Variants in ELAPOR2 observed in about 807,000 individuals in gnomAD.
ELAPOR2 encodes the protein endosome-lysosome associated apoptosis and autophagy regulator family member 2.
In ELAPOR2, 89 loss-of-function variants were observed where a neutral mutation model predicts 120.7. The ratio of observed to expected loss-of-function variants is 0.74; its 90% CI spans 0.62 to 0.88. The LOEUF (loss-of-function observed/expected upper bound fraction) is 0.88, where lower values mean the gene tolerates loss of function less well. Among genes scored for constraint, ELAPOR2 ranks in the 40% least tolerant of loss-of-function variants. The probability of loss-of-function intolerance (pLI) is 0.00; values close to 1 mark genes in which losing one functional copy is unlikely to be tolerated. For synonymous variants in ELAPOR2, 444 were observed against 444.9 expected (o/e 1.00, Z 0.03); for missense variants, 1,134 against 1,251.6 (o/e 0.91, Z 1.42).
chr7:86,967,884 T>C (rs1791970586), intron 1 of ELAPOR2, among the ~76,000 whole-genome samples: 1 of 152,234 alleles, frequency 6.6e-6, no homozygotes, highest in South Asian at 2.1e-4. Flanking sequence ...TTCTTTACAA[T>C]TTAAAAATAC....
chr7:86,970,861 A>G (rs1472327459), intron 1 of ELAPOR2, among the ~76,000 whole-genome samples: 2 of 152,174 alleles, frequency 1.3e-5, no homozygotes, highest in African/African-American at 4.8e-5. Flanking sequence ...GAAAAAGTTC[A>G]TATTTTAAAC....
At chr7:86,933,142 A>G (rs1027992886) in intron 8 of ELAPOR2, among the ~76,000 whole-genome samples, 4 of 151,228 alleles carry the variant, frequency 2.6e-5, no homozygotes, top group South Asian at 2.1e-4. Context: ...ATATATATAT[A>G]CAATACTATA....
chr7:86,965,094 AC>A, intron 1 of ELAPOR2, 70 bp from the exon 2 acceptor site: 1 of 1,503,624 alleles, frequency 6.7e-7, no homozygotes, highest in South Asian at 1.2e-5. Context: ...TTTCTCTATC[AC>A]CCCAAGCCCC....
intron 5 of ELAPOR2, among the ~76,000 whole-genome samples, chr7:86,940,776 CTTA>C (rs1790766791): frequency 1.3e-5 from 2 of 152,086 alleles, no homozygotes; most frequent in African/African-American, 4.8e-5. Flanking sequence ...ATTTACCCCC[CTTA>C]TTCTTCTATA....
chr7:87,004,541 C>T (rs1793413764), intron 1 of ELAPOR2, among the ~76,000 whole-genome samples: 1 of 152,172 alleles, frequency 6.6e-6, no homozygotes, highest in African/African-American at 2.4e-5. Flanking sequence ...ACACAAGATG[C>T]TGCAGAAAGC....
chr7:86,927,024 G>A, intron 8 of ELAPOR2, 108 bp from the exon 9 acceptor site: 5 of 997,872 alleles, frequency 5.0e-6, no homozygotes, highest in Non-Finnish European at 6.8e-6. Flanking sequence ...AGAATAGAAG[G>A]GCCAGCTGAC....
At chr7:86,915,716 G>A (rs1279384633) in intron 12 of ELAPOR2, among the ~76,000 whole-genome samples, 1 of 149,610 alleles carries the variant, frequency 6.7e-6, no homozygotes, top group African/African-American at 2.5e-5. Context: ...GGTTTCATGA[G>A]CTCAAGACAA....
At chr7:87,009,874 T>A (rs1457562792) in intron 1 of ELAPOR2, among the ~76,000 whole-genome samples, 2 of 152,246 alleles carry the variant, frequency 1.3e-5, no homozygotes, top group African/African-American at 4.8e-5. Context: ...TTAGCTCTTC[T>A]GTTTTTCTCC....
rs1799313319 is a variant in ELAPOR2, at chr7:86,879,780, T to G, written c.*691A>C. ...CTTCTCGTTACCTTTCTTACTTTTTTGTTTTTTAGATTCCTTCAAACTTTC... is the reference window on the plus strand; with the variant it reads ...CTTCTCGTTACCTTTCTTACTTTTTGGTTTTTTAGATTCCTTCAAACTTTC... On this transcript the variant is annotated 3_prime_UTR_variant, in exon 22 of 22. Coordinates refer to ENST00000450689, the MANE Select transcript of ELAPOR2 (RefSeq NM_001142749.3). 1 of 152,230 alleles carries G rather than the reference T, an allele frequency of 6.6e-6. No homozygotes were observed. The allele number at this position is 152,230 out of a possible 1,614,324, so 9.4% of individuals were successfully genotyped here. A position where few individuals can be genotyped will look rare whatever the true frequency, so the allele number is the denominator to read the frequency against.
At chr7:86,915,970 T>C (rs541766283) in intron 12 of ELAPOR2, among the ~76,000 whole-genome samples, 1 of 152,260 alleles carries the variant, frequency 6.6e-6, no homozygotes, top group African/African-American at 2.4e-5. Context: ...TGAAATTTAA[T>C]GCATTAGTGC....
intron 1 of ELAPOR2, among the ~76,000 whole-genome samples, chr7:87,041,659 G>A (rs577971083): frequency 1.3e-5 from 2 of 152,050 alleles, no homozygotes; most frequent in Admixed American, 6.5e-5. Context: ...GCAAAATCAT[G>A]CCAAAATGTA....
intron 1 of ELAPOR2, among the ~76,000 whole-genome samples, chr7:86,970,198 C>G (rs1236106009): frequency 6.6e-6 from 1 of 152,146 alleles, no homozygotes; most frequent in Non-Finnish European, 1.5e-5. Flanking sequence ...AGTTAATTAT[C>G]AAGATACAGC....
At chr7:86,896,231 A>C (rs1260472437) in intron 19 of ELAPOR2, among the ~76,000 whole-genome samples, 7 of 152,116 alleles carry the variant, frequency 4.6e-5, no homozygotes, top group Non-Finnish European at 1.0e-4. Context: ...TAAAATATAA[A>C]ATAAATCTTG....
Position 86,891,727 on chromosome 7 carries a change from G to C in ELAPOR2, c.3027C>G (p.Thr1009=). The C allele has an allele frequency of 6.2e-7, 1 of 1,605,354 alleles. No homozygotes were observed. The highest frequency in any genetic ancestry group is 1.3e-5 in the African/African-American group (1 of 74,614). Residue 1009 remains threonine (T), a synonymous_variant, in exon 21 of 22, where the codon ACC becomes ACG. Transcript: ENST00000450689. ...SLLGKLKSLA[T]KEKEDHFESV... is the part of the protein sequence containing the mutation. ...CAGGTTAAAATTCTACTCTCACCTTGGTTGCCAAAGATTTGAGTTTTCCTA... is the reference window on the plus strand; with the variant it reads ...CAGGTTAAAATTCTACTCTCACCTTCGTTGCCAAAGATTTGAGTTTTCCTA...
chr7:87,038,899 C>T (rs573490327), intron 1 of ELAPOR2, among the ~76,000 whole-genome samples: 5 of 151,100 alleles, frequency 3.3e-5, no homozygotes, highest in Non-Finnish European at 7.4e-5. Context: ...CAAGAGCAAA[C>T]CAAACCCAAA....
chr7:86,947,536 A>G (rs1258638998), intron 3 of ELAPOR2, among the ~76,000 whole-genome samples, 191 bp downstream of exon 3: 5 of 152,220 alleles, frequency 3.3e-5, no homozygotes, highest in Non-Finnish European at 4.4e-5. Context: ...TGTCTATTAT[A>G]TCCTGAGGGC....
chr7:86,978,907 T>G (rs1162430642), intron 1 of ELAPOR2, among the ~76,000 whole-genome samples: 1 of 152,228 alleles, frequency 6.6e-6, no homozygotes, highest in Admixed American at 6.5e-5. Context: ...TTGATCCTTG[T>G]GGCAACACTG....
In ELAPOR2 at chr7:86,897,600, G is replaced by A. The variant is rs199832873; in HGVS notation, c.2591C>T (p.Thr864Met). ...AGCACTCTCCCACAGGAAATAGAAC[G>A]TACACCCATCACAGGTACCTGCTGG... ...KCPAGTCDGC[T>M]FYFLWESAEA... Residue 864 changes from threonine (T) to methionine (M), a missense_variant, in exon 19 of 22, where the codon ACG (threonine) becomes ATG (methionine). By Grantham distance (81) the Thr-to-Met change is moderately conservative. Around this residue, in one of 3 missense-constraint regions of ELAPOR2, gnomAD observed 831 missense variants for 867.6 expected, o/e 0.96. Coordinates refer to ENST00000450689, the MANE Select transcript of ELAPOR2 (RefSeq NM_001142749.3). 114 of 1,612,990 alleles carry A rather than the reference G, an allele frequency of 7.1e-5. No homozygotes were observed. The highest frequency in any genetic ancestry group is 1.6e-4 in the South Asian group (15 of 91,060).
intron 1 of ELAPOR2, among the ~76,000 whole-genome samples, chr7:87,041,463 A>C (rs1317611343): frequency 2.0e-5 from 3 of 152,070 alleles, no homozygotes; most frequent in African/African-American, 4.8e-5. Context: ...AATATTCAAC[A>C]TTCTTAAAGA....
Sources: gnomAD v4.1 joint callset for allele counts (sites outside exome capture counted in the v4.1 genomes callset) on GRCh38, gnomAD v4.1.1 for gene constraint, gnomAD v4.1.1 regional missense constraint, MANE v1.5 for transcripts, NCBI Gene and HGNC (gene_info 2026-07-23, HGNC 2026-07-21) for gene names.